MSH3: variants seen among roughly 807,000 people sequenced by gnomAD.
MSH3 encodes the protein mutS homolog 3, also known as DNA mismatch repair protein Msh3.
A neutral mutation model predicts 123.3 loss-of-function variants in MSH3; 106 were observed. The ratio of observed to expected loss-of-function variants is 0.86; its 90% confidence interval spans 0.73 to 1.01. MSH3 has a LOEUF of 1.01. Ranked by LOEUF, MSH3 falls within the 50% of genes least tolerant of loss-of-function variation. The pLI is 0.00. For missense variants in MSH3, 1,459 were observed against 1,347.6 expected (o/e 1.08, Z -1.29); for synonymous variants, 515 against 481.4 (o/e 1.07, Z -0.91).
chr5:80,790,129 C>G (rs1234854788), intron 18 of MSH3, among the ~76,000 whole-genome samples: 4 of 152,114 alleles, frequency 2.6e-5, no homozygotes, highest in African/African-American at 9.7e-5. Flanking sequence ...AAAATTTACT[C>G]TAGCTTTGGG....
chr5:80,798,418 C>T (rs900514891), intron 19 of MSH3, among the ~76,000 whole-genome samples: 1 of 152,026 alleles, frequency 6.6e-6, no homozygotes, highest in Non-Finnish European at 1.5e-5. Context: ...TCTAGCTGGC[C>T]CAGAAATACT....
chr5:80,746,857 T>G (rs1743730347), intron 12 of MSH3: 1 of 235,140 alleles, frequency 4.3e-6, no homozygotes, highest in Admixed American at 5.4e-5. Flanking sequence ...CAGAGGCTCA[T>G]GAGAGCAGGG....
chr5:80,825,055 C>T (rs915332850), intron 20 of MSH3, among the ~76,000 whole-genome samples: 1 of 152,112 alleles, frequency 6.6e-6, no homozygotes, highest in African/African-American at 2.4e-5. Context: ...TAAATTATAT[C>T]CCTAGGATAT....
In MSH3 at chr5:80,654,702, C is replaced by T. The variant is rs1383442816; in HGVS notation, c.-26C>T. 5.1e-6 allele frequency: 8 copies of T among 1,578,896 alleles called. No homozygotes were observed. Among genetic ancestry groups the T allele is most frequent in the East Asian group, 4.9e-5 (2 of 40,822 alleles). On this transcript the variant is annotated 5_prime_UTR_variant, in exon 1 of 24. Transcript: ENST00000265081. ...GCTCGCGCTCCTCGCCAGGCCCTGC[C>T]GCCGGGCTGCCATCCTTGCCCTGCC... is the stretch of plus-strand genomic sequence containing the variant.
At chr5:80,794,402 A>T (rs190299245) in intron 19 of MSH3, among the ~76,000 whole-genome samples, 9 of 152,212 alleles carry the variant, frequency 5.9e-5, no homozygotes, top group Admixed American at 2.6e-4. Context: ...TTTTTACTCA[A>T]AGTCTCTAGG....
At chr5:80,659,549 G>A (rs1204067230) in intron 2 of MSH3, among the ~76,000 whole-genome samples, 1 of 152,174 alleles carries the variant, frequency 6.6e-6, no homozygotes, top group East Asian at 1.9e-4. Flanking sequence ...ATGTTTTCAA[G>A]GCTCATCCGT....
chr5:80,860,435 G>A (rs1554076540), intron 21 of MSH3, among the ~76,000 whole-genome samples: 1 of 126,574 alleles, frequency 7.9e-6, no homozygotes, highest in Non-Finnish European at 1.7e-5. Context: ...AGGTTGGAGA[G>A]GTTTGTTGTT....
chr5:80,818,402 C>CAAAAAAAAAAAAAAAAAAA (rs71603566), intron 20 of MSH3, among the ~76,000 whole-genome samples: 2 of 63,818 alleles, frequency 3.1e-5, no homozygotes, highest in African/African-American at 6.4e-5. Context: ...ATAGCAATGA[C>CAAAAAAAAAAAAAAAAAAA]AAAAAAAAAA....
At chr5:80,748,427 G>C (rs534672184) in intron 12 of MSH3, among the ~76,000 whole-genome samples, 1 of 152,088 alleles carries the variant, frequency 6.6e-6, no homozygotes, top group East Asian at 1.9e-4. Context: ...AGATTATTGA[G>C]GCTGGATTTT....
intron 20 of MSH3, 47 bp from the exon 21 acceptor site, chr5:80,854,083 A>C: frequency 6.8e-7 from 1 of 1,470,598 alleles, no homozygotes; most frequent in Non-Finnish European, 9.5e-7. Flanking sequence ...CGGCTTCCTA[A>C]TAAGAAAGTG....
intron 7 of MSH3, 111 bp downstream of exon 7, chr5:80,675,239 A>T: frequency 8.2e-7 from 1 of 1,215,708 alleles, no homozygotes. Flanking sequence ...ACCTTCAGAT[A>T]ATTATACAAG....
In MSH3 at chr5:80,710,138, C is replaced by T. The variant is rs149960318; in HGVS notation, c.1341-15315C>T. On this transcript the variant is annotated intron_variant, in intron 8 of 23. Coordinates refer to ENST00000265081, the MANE Select transcript of MSH3 (RefSeq NM_002439.5). Reference sequence around the variant, plus strand: ...TTTTAAAGGCTTTATGTTTGTTGACCGACTTAATCCTCATAAACACCCTTG... The same window carrying T: ...TTTTAAAGGCTTTATGTTTGTTGACTGACTTAATCCTCATAAACACCCTTG... Among the ~76,000 whole-genome samples, 4 of 152,198 alleles carry T rather than the reference C, an allele frequency of 2.6e-5. No individual in the cohort carries two copies. In the South Asian group the frequency reaches 6.2e-4, roughly 24 times the overall value.
At chr5:80,816,867 C>T (rs1347221284) in intron 20 of MSH3, among the ~76,000 whole-genome samples, 1 of 152,162 alleles carries the variant, frequency 6.6e-6, no homozygotes, top group African/African-American at 2.4e-5. Context: ...GATGTTTTTT[C>T]ATAGATTCCG....
At chr5:80,721,257 C>T (rs1301982597) in intron 8 of MSH3, among the ~76,000 whole-genome samples, 11 of 152,144 alleles carry the variant, frequency 7.2e-5, no homozygotes, top group Admixed American at 7.2e-4. Flanking sequence ...GTCTTTTTAA[C>T]AATTACCCTG....
At chr5:80,814,963 T>C (rs1191818285) in intron 20 of MSH3, among the ~76,000 whole-genome samples, 1 of 152,230 alleles carries the variant, frequency 6.6e-6, no homozygotes, top group Non-Finnish European at 1.5e-5. Flanking sequence ...GTATATTTCT[T>C]ACATGTACAT....
intron 17 of MSH3, among the ~76,000 whole-genome samples, chr5:80,783,574 A>G (rs1251398239): frequency 6.6e-6 from 1 of 152,126 alleles, no homozygotes; most frequent in African/African-American, 2.4e-5. Context: ...TGTTGTTTTA[A>G]CTGAAATGGG....
intron 12 of MSH3, among the ~76,000 whole-genome samples, chr5:80,748,914 ATTTG>A (rs1369876294): frequency 6.6e-6 from 1 of 152,072 alleles, no homozygotes; most frequent in Non-Finnish European, 1.5e-5. Context: ...TCCAAGGCAG[ATTTG>A]TTTATCTTAG....
intron 8 of MSH3, among the ~76,000 whole-genome samples, chr5:80,711,061 A>C (rs1750848883): frequency 6.6e-6 from 1 of 152,260 alleles, no homozygotes; most frequent in Non-Finnish European, 1.5e-5. Flanking sequence ...ATTACAAAAG[A>C]AGCAAAGGTA....
intron 22 of MSH3, 126 bp from the exon 23 acceptor site, chr5:80,872,990 C>T: frequency 1.2e-6 from 1 of 860,002 alleles, no homozygotes; most frequent in Non-Finnish European, 1.9e-6. Context: ...ATCTAACAGG[C>T]AAGTAGGAAC....
Sources: allele counts gnomAD v4.1 joint callset (sites outside exome capture counted in the v4.1 genomes callset), GRCh38; gene constraint gnomAD v4.1.1; transcripts MANE v1.5; gene names NCBI Gene and HGNC (gene_info 2026-07-23, HGNC 2026-07-21).